The following PRDM2 variants were observed in gnomAD, a reference collection of about 807,000 sequenced individuals.
The protein encoded by PRDM2 is PR domain zinc finger protein 2.
Under a neutral mutation model 130.0 loss-of-function variants are expected in PRDM2, and 30 were observed. That is an observed-to-expected ratio of 0.23 (90% confidence interval 0.17 to 0.31). The LOEUF (loss-of-function observed/expected upper bound fraction) is 0.31. Ranked by LOEUF, PRDM2 falls within the 10% of genes least tolerant of loss-of-function variation. The pLI is 1.00. For missense variants in PRDM2, 2,011 were observed against 2,108.4 expected, an observed-to-expected ratio of 0.95 and a Z score of 0.90; for synonymous variants, 871 against 782.4, an observed-to-expected ratio of 1.11 and a Z score of -1.89.
intron 2 of PRDM2, 118 bp from the exon 3 acceptor site, chr1:13,730,882 C>T (rs1293898301): frequency 2.0e-5 from 14 of 701,392 alleles, no homozygotes; most frequent in Admixed American, 5.0e-5. Flanking sequence ...GTCTGTCTTG[C>T]CAGCTTCAGG....
intron 6 of PRDM2, chr1:13,772,339 C>T (rs1298915651): frequency 6.6e-6 from 1 of 152,196 alleles, no homozygotes; most frequent in South Asian, 2.1e-4. Context: ...ACTTTAGTTC[C>T]GTTGTTCCAA....
intron 8 of PRDM2, among the ~76,000 whole-genome samples, chr1:13,798,587 C>T (rs941548923): frequency 2.6e-5 from 4 of 152,198 alleles, no homozygotes; most frequent in East Asian, 1.9e-4. Context: ...ACCAAAGATT[C>T]GAGTCCTTAC....
intron 7 of PRDM2, among the ~76,000 whole-genome samples, chr1:13,777,213 A>G (rs1644494452): frequency 6.6e-6 from 1 of 152,006 alleles, no homozygotes; most frequent in African/African-American, 2.4e-5. Flanking sequence ...TTCATTGACA[A>G]AATATATCCA....
chr1:13,781,185 C>A lies in PRDM2; in HGVS notation c.3390C>A (p.Phe1130Leu), dbSNP rs1449859295. Residue 1130 changes from phenylalanine (F) to leucine (L), a missense_variant, in exon 8 of 10, where the codon TTC (phenylalanine) becomes TTA (leucine). Coordinates refer to ENST00000311066, the MANE Select transcript of PRDM2 (RefSeq NM_001393986.1). The surrounding 1 kb of genome is among the most constrained non-coding windows in gnomAD (Gnocchi z 6.1). ...AEQDVVVQETFNKNFVCNVCE... is the reference protein window; with the variant it reads ...AEQDVVVQETLNKNFVCNVCE... ...AGGATGTTGTTGTTCAGGAAACATTCAACAAAAACTTTGTTTGCAACGTCT... is the reference window on the plus strand; with the variant it reads ...AGGATGTTGTTGTTCAGGAAACATTAAACAAAAACTTTGTTTGCAACGTCT... The A allele has an allele frequency of 6.2e-7, 1 of 1,614,196 alleles. No homozygotes were observed. The highest frequency in any genetic ancestry group is 1.7e-5 in the Admixed American group (1 of 60,026).
chr1:13,800,170 A>G (rs1644984825), intron 8 of PRDM2, among the ~76,000 whole-genome samples: 1 of 152,014 alleles, frequency 6.6e-6, no homozygotes, highest in Non-Finnish European at 1.5e-5. Context: ...CAAAACTGTC[A>G]CAATGTCCTA....
rs1237264975 is a variant in PRDM2, at chr1:13,779,358, T to C, written c.1563T>C (p.Leu521=). The change falls in exon 8 of 10, where the codon CTT becomes CTC. Residue 521 remains leucine (L), a synonymous_variant. Coordinates refer to ENST00000311066, the MANE Select transcript of PRDM2 (RefSeq NM_001393986.1). The surrounding 1 kb of genome is among the most constrained non-coding windows in gnomAD (Gnocchi z 4.9). ...AAGGTGTACGGCGAAAAGGAGGCCT[T>C]GAAGAGCCCCAGCCTCCAGCAGAAC... ...IPKGVRRKGG[L]EEPQPPAEQA... is the part of the protein sequence containing the mutation. The C allele has an allele frequency of 1.2e-6, 2 of 1,614,034 alleles. No homozygotes were observed. Among genetic ancestry groups the C allele is most frequent in the East Asian group, 2.2e-5 (1 of 44,878 alleles).
At chr1:13,774,229 A>G (rs1644421833) in intron 7 of PRDM2, among the ~76,000 whole-genome samples, 2 of 152,234 alleles carry the variant, frequency 1.3e-5, no homozygotes, top group African/African-American at 4.8e-5. Context: ...TATTGAGACT[A>G]TTGATACAGA....
rs373988056 is a variant in PRDM2 at position 13,707,668 on chromosome 1, T to C, written c.-66+7368T>C. ...GTTCTCATCAGAGAGCAAGCACTGA[T>C]TGGAAAACTCTTGTATTCTGACCTG... On this transcript the variant is annotated intron_variant, in intron 1 of 9. Transcript: ENST00000311066. 2.4e-4 allele frequency among the ~76,000 whole-genome samples: 36 copies of C among 152,306 alleles called. 1 individual carries two copies. Among genetic ancestry groups the C allele is most frequent in the African/African-American group, 8.2e-4 (34 of 41,566 alleles).
chr1:13,804,560 G>A (rs1645058835), intron 8 of PRDM2, among the ~76,000 whole-genome samples: 1 of 152,076 alleles, frequency 6.6e-6, no homozygotes, highest in Admixed American at 6.5e-5. Flanking sequence ...GGAGTGGGTG[G>A]GAGCTGAGAG....
At position 13,782,277 on chromosome 1, in the gene PRDM2, T is replaced by C; in HGVS notation, c.4482T>C (p.Ser1494=). Residue 1494 remains serine, a synonymous_variant, in exon 8 of 10, where the codon TCT becomes TCC. Transcript: ENST00000311066. ...SPPKKKVSHS[S]KKGGHSSPAS... is the part of the protein sequence containing the mutation. ...CCAAAAAAAAAGTTTCTCATTCATCTAAGAAAGGTGGACACTCATCACCTG... is the reference window on the plus strand; with the variant it reads ...CCAAAAAAAAAGTTTCTCATTCATCCAAGAAAGGTGGACACTCATCACCTG... The C allele has an allele frequency of 6.2e-7, 1 of 1,613,622 alleles. No homozygotes were observed. Among genetic ancestry groups the C allele is most frequent in the Non-Finnish European group, 8.5e-7 (1 of 1,179,930 alleles).
At chr1:13,743,053 C>T (rs77471577) in intron 5 of PRDM2, among the ~76,000 whole-genome samples, 1 of 152,124 alleles carries the variant, frequency 6.6e-6, no homozygotes, top group South Asian at 2.1e-4. Flanking sequence ...TGCTGCATTT[C>T]TTTGTTGAGC....
chr1:13,754,258 A>C (rs1380378961), intron 6 of PRDM2, among the ~76,000 whole-genome samples: 1 of 152,132 alleles, frequency 6.6e-6, no homozygotes, highest in Non-Finnish European at 1.5e-5. Flanking sequence ...CAGGCGCTGC[A>C]CCAAGTGGCT....
intron 8 of PRDM2, among the ~76,000 whole-genome samples, chr1:13,813,657 G>A (rs1027953131): frequency 6.6e-6 from 1 of 152,226 alleles, no homozygotes. Flanking sequence ...TGGGAGTCAT[G>A]GAGGCCATGT....
chr1:13,749,260 T>C lies in PRDM2; in HGVS notation c.385-101T>C, dbSNP rs190939178. The C allele has an allele frequency of 3.6e-3, 4,108 of 1,126,338 alleles. 19 individuals carry two copies. Among genetic ancestry groups the C allele is most frequent in the South Asian group, 0.013 (600 of 46,498 alleles). 69.8% of individuals were successfully genotyped at this position (1,126,338 alleles called of 1,614,324 possible). A position where few individuals can be genotyped will look rare whatever the true frequency, so the allele number is the denominator to read the frequency against. On this transcript the variant is annotated intron_variant, in intron 5 of 9. Transcript: ENST00000311066. ...GCGCGCGGCGCCGCCGACAGCTGTT[T>C]GCCATCGGCGCCGCTCCCGCCCGCG...
chr1:13,709,149 G>A (rs1449401250), intron 1 of PRDM2, among the ~76,000 whole-genome samples: 24 of 142,554 alleles, frequency 1.7e-4, no homozygotes, highest in Admixed American at 1.3e-3. Flanking sequence ...GAAGTTTACA[G>A]TTTTTTTTTT....
At chr1:13,756,952 G>A (rs1643970758) in intron 6 of PRDM2, among the ~76,000 whole-genome samples, 1 of 152,218 alleles carries the variant, frequency 6.6e-6, no homozygotes, top group African/African-American at 2.4e-5. Context: ...CTAAATAAAA[G>A]GCTCTGTCTG....
intron 5 of PRDM2, among the ~76,000 whole-genome samples, chr1:13,744,503 A>G (rs1284917524): frequency 1.3e-5 from 2 of 152,212 alleles, no homozygotes; most frequent in Non-Finnish European, 2.9e-5. Context: ...ACTCTGGAGC[A>G]GACTGACTTG....
intron 8 of PRDM2, among the ~76,000 whole-genome samples, chr1:13,789,293 G>T (rs1410439678): frequency 6.6e-6 from 1 of 152,200 alleles, no homozygotes; most frequent in Non-Finnish European, 1.5e-5. Context: ...GCCTTGCTAG[G>T]CTGGCTGTCT....
intron 8 of PRDM2, among the ~76,000 whole-genome samples, chr1:13,800,680 AG>A (rs1318708748): frequency 6.6e-6 from 1 of 152,194 alleles, no homozygotes; most frequent in Non-Finnish European, 1.5e-5. Flanking sequence ...TCCATCAAAA[AG>A]GTTGATGAAC....
Sources: allele counts gnomAD v4.1 joint callset (sites outside exome capture counted in the v4.1 genomes callset), GRCh38; gene constraint gnomAD v4.1.1; non-coding constraint Gnocchi (gnomAD v3.1); transcripts MANE v1.5; gene names NCBI Gene and HGNC (gene_info 2026-07-23, HGNC 2026-07-21).